ENTREP2: variants seen among roughly 807,000 people sequenced by gnomAD.
ENTREP2 encodes protein ENTREP2.
the ENTREP2 span, among the ~76,000 whole-genome samples, chr15:29,571,191 C>T: frequency 1.3e-5 from 2 of 152,068 alleles, no homozygotes; most frequent in Admixed American, 1.3e-4. Flanking sequence ...AGCCTCCGCG[C>T]TCACGCCTCG....
At chr15:29,224,174 G>A in the ENTREP2 span, among the ~76,000 whole-genome samples, 2 of 152,126 alleles carry the variant, frequency 1.3e-5, no homozygotes, top group East Asian at 1.9e-4. Flanking sequence ...TGAAGCTACA[G>A]ACCTTCGTGG....
At chr15:29,249,808 G>A in the ENTREP2 span, among the ~76,000 whole-genome samples, 2 of 152,214 alleles carry the variant, frequency 1.3e-5, no homozygotes, top group East Asian at 3.9e-4. Context: ...CATGATGCCA[G>A]CATCTGCTTG....
chr15:29,391,723 T>C, the ENTREP2 span, among the ~76,000 whole-genome samples: 1 of 152,246 alleles, frequency 6.6e-6, no homozygotes, highest in African/African-American at 2.4e-5. Flanking sequence ...AGTGGGTTAT[T>C]AGGTAGCACA....
chr15:29,670,839 C>G, the ENTREP2 span, among the ~76,000 whole-genome samples: 1 of 152,180 alleles, frequency 6.6e-6, no homozygotes, highest in Admixed American at 6.5e-5. Flanking sequence ...TGGTCCTTGT[C>G]TCTGTTCCTG....
At chr15:29,388,725 C>T in the ENTREP2 span, among the ~76,000 whole-genome samples, 1 of 152,052 alleles carries the variant, frequency 6.6e-6, no homozygotes, top group African/African-American at 2.4e-5. Context: ...AAATGTCCAT[C>T]AATGATAGAC....
the ENTREP2 span, among the ~76,000 whole-genome samples, chr15:29,380,370 C>T: frequency 3.3e-5 from 5 of 152,092 alleles, no homozygotes; most frequent in Non-Finnish European, 5.9e-5. Flanking sequence ...GGTTATTTTT[C>T]TATTCCCATT....
the ENTREP2 span, among the ~76,000 whole-genome samples, chr15:29,568,232 AACAG>A: frequency 6.6e-6 from 1 of 152,236 alleles, no homozygotes; most frequent in East Asian, 1.9e-4. Context: ...CCCATGAAAA[AACAG>A]ACAGGAGGGT....
chr15:29,636,405 T>C, the ENTREP2 span, among the ~76,000 whole-genome samples: 1 of 152,130 alleles, frequency 6.6e-6, no homozygotes. Flanking sequence ...GTGCTGCTGA[T>C]CAAAGGAGGA....
At chr15:29,279,491 A>C in the ENTREP2 span, among the ~76,000 whole-genome samples, 2 of 151,980 alleles carry the variant, frequency 1.3e-5, no homozygotes, top group Non-Finnish European at 2.9e-5. Flanking sequence ...CAGCCTCCTG[A>C]GTAGCTGGGA....
chr15:29,594,184 T>C, the ENTREP2 span, among the ~76,000 whole-genome samples: 1 of 152,276 alleles, frequency 6.6e-6, no homozygotes, highest in Non-Finnish European at 1.5e-5. Context: ...AGGCTGTATC[T>C]CTAGACTCAT....
chr15:29,320,814 A>G, the ENTREP2 span, among the ~76,000 whole-genome samples: 2 of 152,228 alleles, frequency 1.3e-5, no homozygotes, highest in African/African-American at 4.8e-5. Context: ...AGGTCAACAC[A>G]AATGTCCCAA....
At chr15:29,486,172 T>C in the ENTREP2 span, among the ~76,000 whole-genome samples, 1 of 14,286 alleles carries the variant, frequency 7.0e-5, no homozygotes, top group African/African-American at 2.6e-4. Context: ...TTAAAGAAAA[T>C]GGGAGACACA....
chr15:29,315,715 A>C, the ENTREP2 span, among the ~76,000 whole-genome samples: 3 of 152,228 alleles, frequency 2.0e-5, no homozygotes, highest in East Asian at 3.9e-4. Context: ...GATGAACTTA[A>C]CTACATAAAA....
At chr15:29,214,785 T>TTATTG in the ENTREP2 span, among the ~76,000 whole-genome samples, 1 of 152,222 alleles carries the variant, frequency 6.6e-6, no homozygotes, top group Non-Finnish European at 1.5e-5. Flanking sequence ...ATTTCCAGTT[T>TTATTG]TATTGTACTG....
At chr15:29,170,307 C>CAAAAA in the ENTREP2 span, among the ~76,000 whole-genome samples, 21 of 57,340 alleles carry the variant, frequency 3.7e-4, no homozygotes, top group East Asian at 1.1e-3. Flanking sequence ...GACTCCATCT[C>CAAAAA]AAAAAAAAAA....
At chr15:29,318,413 T>A in the ENTREP2 span, among the ~76,000 whole-genome samples, 4 of 152,094 alleles carry the variant, frequency 2.6e-5, no homozygotes, top group East Asian at 7.7e-4. Flanking sequence ...CTCCGCCTCC[T>A]GGGTTCACGC....
At chr15:29,673,582 C>G in the ENTREP2 span, among the ~76,000 whole-genome samples, 3 of 152,174 alleles carry the variant, frequency 2.0e-5, no homozygotes, top group Admixed American at 2.0e-4. Context: ...TGAGTTTATT[C>G]TCAGGAGCAA....
chr15:29,215,711 T>C, the ENTREP2 span, among the ~76,000 whole-genome samples: 2,805 of 152,106 alleles, frequency 0.018, 92 homozygotes, highest in African/African-American at 0.064. Context: ...GATATAAGAA[T>C]AGCTACCCCT....
the ENTREP2 span, among the ~76,000 whole-genome samples, chr15:29,431,823 TC>T: frequency 1.3e-5 from 2 of 152,158 alleles, no homozygotes; most frequent in African/African-American, 4.8e-5. Context: ...GGCAGAGAGA[TC>T]AATCCATTTG....
Sources: gnomAD v4.1 joint callset for allele counts (sites outside exome capture counted in the v4.1 genomes callset) on GRCh38, gnomAD v4.1.1 for gene constraint, MANE v1.5 for transcripts, NCBI Gene and HGNC (gene_info 2026-07-23, HGNC 2026-07-21) for gene names.